RABGAP1: variants seen among roughly 807,000 people sequenced by gnomAD.
RABGAP1 encodes rab GTPase-activating protein 1.
In RABGAP1, 23 loss-of-function variants were observed where a neutral mutation model predicts 137.6. The ratio of observed to expected loss-of-function variants is 0.17; its 90% CI spans 0.12 to 0.24. The LOEUF is 0.24. RABGAP1 is among the 10% of genes least tolerant of loss of function. The pLI, the probability that RABGAP1 is intolerant of heterozygous loss-of-function variation, is 1.00. For missense variants in RABGAP1, 906 were observed against 1,275.8 expected (o/e 0.71, Z 4.42); for synonymous variants, 451 against 450.7 (o/e 1.00, Z -0.01).
At chr9:122,993,767 G>A (rs776545765) in intron 6 of RABGAP1, among the ~76,000 whole-genome samples, 4 of 152,100 alleles carry the variant, frequency 2.6e-5, no homozygotes, top group Admixed American at 6.6e-5. Flanking sequence ...AGGTTCAAGT[G>A]ATTCTCCTGC....
chr9:123,009,068 C>T (rs1416073467), intron 10 of RABGAP1, among the ~76,000 whole-genome samples: 1 of 152,202 alleles, frequency 6.6e-6, no homozygotes, highest in East Asian at 1.9e-4. Flanking sequence ...AGTTGACAGA[C>T]AGGCCTGTAG....
At chr9:123,000,668 A>G (rs908726133) in intron 10 of RABGAP1, among the ~76,000 whole-genome samples, 1 of 152,050 alleles carries the variant, frequency 6.6e-6, no homozygotes, top group African/African-American at 2.4e-5. Context: ...CATTTATAGC[A>G]ATAGCCTTTT....
chr9:123,090,880 G>A (rs2035012892), intron 21 of RABGAP1, among the ~76,000 whole-genome samples: 1 of 152,094 alleles, frequency 6.6e-6, no homozygotes, highest in African/African-American at 2.4e-5. Flanking sequence ...TAACAATTTT[G>A]GAATGATGTC....
At chr9:123,036,117 A>C (rs2032644795) in intron 13 of RABGAP1, among the ~76,000 whole-genome samples, 1 of 152,264 alleles carries the variant, frequency 6.6e-6, no homozygotes, top group African/African-American at 2.4e-5. Context: ...CCAAAGCATA[A>C]CTACACTGCA....
chr9:123,098,360 C>T (rs1371986589), intron 22 of RABGAP1, among the ~76,000 whole-genome samples: 3 of 152,238 alleles, frequency 2.0e-5, no homozygotes, highest in Non-Finnish European at 1.5e-5. Context: ...AAAGCCCTTT[C>T]TACAGAAACC....
chr9:122,940,680 G>A (rs567520152), upstream of RABGAP1, among the ~76,000 whole-genome samples: 190 of 152,328 alleles, frequency 1.2e-3, no homozygotes, highest in African/African-American at 4.4e-3. Flanking sequence ...CCAGTACTCT[G>A]GGGTTGTACC....
intron 12 of RABGAP1, among the ~76,000 whole-genome samples, chr9:123,018,681 T>G (rs1253639849): frequency 6.6e-6 from 1 of 152,262 alleles, no homozygotes; most frequent in East Asian, 1.9e-4. Flanking sequence ...AGGAGAAAAC[T>G]ATTGAACTGT....
chr9:122,950,762 T>G (rs112883360), intron 1 of RABGAP1, among the ~76,000 whole-genome samples: 3 of 152,160 alleles, frequency 2.0e-5, no homozygotes, highest in African/African-American at 7.2e-5. Flanking sequence ...CATGTGGAAT[T>G]CAAGAGAAAA....
At chr9:123,036,069 A>G (rs2032642410) in intron 13 of RABGAP1, among the ~76,000 whole-genome samples, 1 of 152,226 alleles carries the variant, frequency 6.6e-6, no homozygotes, top group South Asian at 2.1e-4. Flanking sequence ...ATAGTAAAAT[A>G]TAAATGAAAA....
chr9:123,080,020 T>TACAAAGAAGAGTTA, intron 19 of RABGAP1, among the ~76,000 whole-genome samples: 1 of 152,356 alleles, frequency 6.6e-6, no homozygotes. Flanking sequence ...CCATGTGTTT[T>TACAAAGAAGAGTTA]ACAAAGAAGA....
intron 9 of RABGAP1, 88 bp downstream of exon 9, chr9:122,997,449 G>C: frequency 1.2e-6 from 1 of 814,294 alleles, no homozygotes; most frequent in Non-Finnish European, 1.8e-6. Context: ...CCAATATCCA[G>C]TGTTTACCTA....
chr9:123,055,534 A>AT (rs2033656421), intron 13 of RABGAP1, among the ~76,000 whole-genome samples: 1 of 144,022 alleles, frequency 6.9e-6, no homozygotes, highest in African/African-American at 2.6e-5. Context: ...GCCCAGCCAG[A>AT]TATTTCTTCT....
At chr9:123,058,545 ATT>A (rs61173651) in intron 13 of RABGAP1, among the ~76,000 whole-genome samples, 15 of 151,184 alleles carry the variant, frequency 9.9e-5, no homozygotes, top group African/African-American at 2.9e-4. Flanking sequence ...CAAAAGTTAG[ATT>A]TTTTTTTTTT....
rs552485081 is a variant in RABGAP1 at position 123,010,596 on chromosome 9, CAG to C, written c.1549+69_1549+70del. 2.8e-3 allele frequency: 4,025 copies of C among 1,422,586 alleles called. 9 individuals are homozygous for C. Among genetic ancestry groups the C allele is most frequent in the Non-Finnish European group, 3.6e-3 (3,740 of 1,029,174 alleles). The allele number at this position is 1,422,586 out of a possible 1,614,324, so 88.1% of individuals were successfully genotyped here. A position where few individuals can be genotyped will look rare whatever the true frequency, so the allele number is the denominator to read the frequency against. Reference sequence around the variant, plus strand: ...ACCATGCAAACTATTAAAATCGTATCAGGGGATTGATAATGTGATACGGCATT... The same window carrying C: ...ACCATGCAAACTATTAAAATCGTATCGGGATTGATAATGTGATACGGCATT... On this transcript the variant is annotated intron_variant, in intron 11 of 25. Transcript: ENST00000373647.
chr9:122,979,369 T>C (rs1248389256), intron 2 of RABGAP1, among the ~76,000 whole-genome samples: 2 of 152,236 alleles, frequency 1.3e-5, no homozygotes, highest in Non-Finnish European at 2.9e-5. Context: ...CTATATATTC[T>C]GGATATACGT....
intron 4 of RABGAP1, 131 bp downstream of exon 4, chr9:122,986,550 A>G: frequency 5.1e-6 from 5 of 983,934 alleles, no homozygotes; most frequent in Non-Finnish European, 7.5e-6. Flanking sequence ...TTTACCTGGC[A>G]CTCATGTCTC....
chr9:122,992,897 T>G (rs1836813674), intron 6 of RABGAP1, among the ~76,000 whole-genome samples: 1 of 151,618 alleles, frequency 6.6e-6, no homozygotes, highest in African/African-American at 2.4e-5. Flanking sequence ...TTTAGATGTA[T>G]GAAATCCTAG....
At chr9:122,971,014 T>C (rs934355988) in intron 2 of RABGAP1, among the ~76,000 whole-genome samples, 8 of 152,032 alleles carry the variant, frequency 5.3e-5, no homozygotes, top group African/African-American at 1.9e-4. Context: ...TTTTCTATTC[T>C]TTATAACCAA....
At position 123,074,401 on chromosome 9, in the gene RABGAP1, C is replaced by A; in HGVS notation, c.2226C>A (p.Phe742Leu). Residue 742 changes from phenylalanine to leucine, a missense_variant, in exon 17 of 26, where the codon TTC becomes TTA. Physicochemically the swap from Phe to Leu is conservative, Grantham distance 22 (BLOSUM62 0). Coordinates refer to ENST00000373647, the MANE Select transcript of RABGAP1 (RefSeq NM_012197.4). ...CAAAATTCCCTCTCTACATGGTCTTCCATATCATCGACCTGCTTTTATGTG... is the reference window on the plus strand; with the variant it reads ...CAAAATTCCCTCTCTACATGGTCTTACATATCATCGACCTGCTTTTATGTG... ...FTAKFPLYMV[F>L]HIIDLLLCEG... is the part of the protein sequence containing the mutation. 1 of 1,613,368 alleles carries A rather than the reference C, an allele frequency of 6.2e-7. No individual in the cohort carries two copies. Among genetic ancestry groups the A allele is most frequent in the Non-Finnish European group, 8.5e-7 (1 of 1,179,466 alleles).
Sources: allele counts gnomAD v4.1 joint callset (sites outside exome capture counted in the v4.1 genomes callset), GRCh38; gene constraint gnomAD v4.1.1; transcripts MANE v1.5; gene names NCBI Gene and HGNC (gene_info 2026-07-23, HGNC 2026-07-21).